The following SMARCC1 variants were observed in gnomAD, a reference collection of about 807,000 sequenced individuals.
SMARCC1 encodes SWI/SNF related BAF chromatin remodeling complex subunit C1.
SMARCC1 carries 43 observed loss-of-function variants against 147.4 expected under a neutral mutation model. The observed-to-expected ratio is 0.29, with a 90% CI of 0.23 to 0.38. The LOEUF is 0.38. SMARCC1 is among the 10% of genes least tolerant of loss of function. The pLI, the probability that SMARCC1 is intolerant of heterozygous loss-of-function variation, is 1.00. For synonymous variants in SMARCC1, 495 were observed against 484.4 expected (o/e 1.02, Z -0.29); for missense variants, 1,119 against 1,381.1 (o/e 0.81, Z 3.01).
At chr3:47,695,925 G>GACA (rs1361973992) in intron 11 of SMARCC1, among the ~76,000 whole-genome samples, 3 of 125,526 alleles carry the variant, frequency 2.4e-5, no homozygotes, top group African/African-American at 6.1e-5. Context: ...AAATCAGCCG[G>GACA]GCGTGGTGGT....
intron 1 of SMARCC1, among the ~76,000 whole-genome samples, chr3:47,777,467 A>G (rs943721231): frequency 1.3e-5 from 2 of 151,838 alleles, no homozygotes; most frequent in African/African-American, 4.8e-5. Flanking sequence ...ACGAGGTTAG[A>G]GGACTACTTT....
chr3:47,711,724 T>C (rs2034086540), intron 8 of SMARCC1, among the ~76,000 whole-genome samples: 1 of 152,228 alleles, frequency 6.6e-6, no homozygotes, highest in Non-Finnish European at 1.5e-5. Context: ...ATTTGGGATA[T>C]GCCTTTCAAG....
intron 25 of SMARCC1, among the ~76,000 whole-genome samples, chr3:47,618,111 G>T (rs2032672382): frequency 6.6e-6 from 1 of 152,132 alleles, no homozygotes; most frequent in Non-Finnish European, 1.5e-5. Flanking sequence ...GTCCACCATG[G>T]AAGAATTCAA....
intron 2 of SMARCC1, among the ~76,000 whole-genome samples, chr3:47,759,841 G>A (rs934551829): frequency 4.0e-5 from 6 of 151,884 alleles, no homozygotes; most frequent in East Asian, 1.9e-4. Context: ...GGAGGCTGAC[G>A]CAGGAGAATC....
chr3:47,741,202 T>A (rs1283085913), intron 3 of SMARCC1, among the ~76,000 whole-genome samples: 4 of 151,614 alleles, frequency 2.6e-5, no homozygotes, highest in Non-Finnish European at 5.9e-5. Flanking sequence ...GAGGTACTTG[T>A]GAGGAAAAGA....
At chr3:47,723,918 C>T (rs2034266708) in intron 6 of SMARCC1, among the ~76,000 whole-genome samples, 1 of 152,114 alleles carries the variant, frequency 6.6e-6, no homozygotes, top group South Asian at 2.1e-4. Flanking sequence ...AAAAGATACT[C>T]AATGTCACTA....
intron 9 of SMARCC1, among the ~76,000 whole-genome samples, chr3:47,709,451 C>T (rs1026387758): frequency 3.3e-5 from 5 of 151,874 alleles, no homozygotes; most frequent in Non-Finnish European, 5.9e-5. Flanking sequence ...TTTGAGAGGC[C>T]GAGGCAGTCA....
chr3:47,666,239 G>C (rs2033418539), intron 19 of SMARCC1, among the ~76,000 whole-genome samples: 1 of 152,110 alleles, frequency 6.6e-6, no homozygotes, highest in South Asian at 2.1e-4. Context: ...GACCAACACA[G>C]CTATACCATT....
At chr3:47,708,267 T>C (rs1392150407) in intron 9 of SMARCC1, among the ~76,000 whole-genome samples, 1 of 151,402 alleles carries the variant, frequency 6.6e-6, no homozygotes. Context: ...CAGCCTCCCA[T>C]GTAGCTGGGA....
intron 7 of SMARCC1, among the ~76,000 whole-genome samples, chr3:47,719,371 T>C (rs2034202253): frequency 6.6e-6 from 1 of 152,174 alleles, no homozygotes; most frequent in Non-Finnish European, 1.5e-5. Context: ...ATTAATTTCA[T>C]CCTTAGTGGT....
At position 47,781,708 on chromosome 3, in the gene SMARCC1, A is replaced by T. The variant is rs959237835; in HGVS notation, c.90T>A (p.Val30=). The T allele has an allele frequency of 4.5e-6, 7 of 1,562,530 alleles. No individual in the cohort carries two copies. The highest frequency in any genetic ancestry group is 5.2e-6 in the Non-Finnish European group (6 of 1,158,364). Residue 30 remains valine (V), a synonymous_variant, in exon 1 of 28, where the codon GTT becomes GTA. Coordinates refer to ENST00000254480, the MANE Select transcript of SMARCC1 (RefSeq NM_003074.4). ...CCGGGCCCCCATCCTTCCGTCGATA[A>T]ACAGCTAGGCCTGCGGCTGCCGCCG... The part of the protein sequence containing the change: ...GIAAAAAGLA[V]YRRKDGGPAT...
intron 14 of SMARCC1, among the ~76,000 whole-genome samples, chr3:47,685,726 G>A (rs1182977030): frequency 2.0e-5 from 3 of 151,854 alleles, no homozygotes; most frequent in South Asian, 2.1e-4. Context: ...GCACGGCGGC[G>A]GGAACCTGTA....
chr3:47,691,617 A>T lies in SMARCC1; in HGVS notation c.1225+1624T>A, dbSNP rs1218240064. Among the ~76,000 whole-genome samples, 9 of 152,158 alleles carry T rather than the reference A, an allele frequency of 5.9e-5. No homozygotes were observed. In the South Asian group the frequency reaches 8.3e-4, roughly 14 times the overall value. On this transcript the variant is annotated intron_variant, in intron 12 of 27. Coordinates refer to ENST00000254480, the MANE Select transcript of SMARCC1 (RefSeq NM_003074.4). Reference sequence around the variant, plus strand: ...TGACAAGAGCGAGACTTTGTCTCAAAACAAAAAACAAAATACAACAGCTCT... The same window carrying T: ...TGACAAGAGCGAGACTTTGTCTCAATACAAAAAACAAAATACAACAGCTCT...
intron 24 of SMARCC1, among the ~76,000 whole-genome samples, chr3:47,626,015 A>G (rs1002399896): frequency 6.6e-6 from 1 of 152,144 alleles, no homozygotes; most frequent in South Asian, 2.1e-4. Flanking sequence ...TTAGCCAGGC[A>G]TGGTAGCACA....
chr3:47,698,005 CA>C (rs71070213), intron 11 of SMARCC1, among the ~76,000 whole-genome samples: 16 of 12,492 alleles, frequency 1.3e-3, no homozygotes, highest in African/African-American at 5.4e-3. Flanking sequence ...GCCTCCGCCT[CA>C]AAAAAAAAAA....
chr3:47,637,956 T>C (rs2032993529), intron 22 of SMARCC1, among the ~76,000 whole-genome samples: 2 of 152,322 alleles, frequency 1.3e-5, no homozygotes, highest in South Asian at 4.1e-4. Flanking sequence ...ACCTCATATG[T>C]CATCTTCTCA....
intron 11 of SMARCC1, among the ~76,000 whole-genome samples, chr3:47,697,752 A>C (rs967608370): frequency 6.6e-6 from 1 of 151,958 alleles, no homozygotes; most frequent in Non-Finnish European, 1.5e-5. Context: ...TCACGCCTGT[A>C]ATCCCAGCAC....
chr3:47,630,991 G>C (rs2032880669), intron 24 of SMARCC1, among the ~76,000 whole-genome samples: 1 of 152,070 alleles, frequency 6.6e-6, no homozygotes. Context: ...TTTGAGCCCA[G>C]GACATGGAGG....
chr3:47,592,868 A>AGAG (rs1398023315), intron 26 of SMARCC1, among the ~76,000 whole-genome samples: 37 of 142,226 alleles, frequency 2.6e-4, no homozygotes, highest in Middle Eastern at 4.1e-3. Flanking sequence ...CACCCAAGCT[A>AGAG]GAGTGCAGTA....
Sources: allele counts gnomAD v4.1 joint callset (sites outside exome capture counted in the v4.1 genomes callset), GRCh38; gene constraint gnomAD v4.1.1; transcripts MANE v1.5; gene names NCBI Gene and HGNC (gene_info 2026-07-23, HGNC 2026-07-21).